Variants in VGLL4 observed in about 807,000 individuals in gnomAD.
The protein encoded by VGLL4 is transcription cofactor vestigial-like protein 4.
VGLL4 carries 7 observed loss-of-function variants against 21.0 expected under a neutral mutation model. The observed-to-expected ratio is 0.33, with a 90% CI of 0.19 to 0.63. VGLL4 has a LOEUF of 0.63. Ranked by LOEUF, VGLL4 falls within the 20% of genes least tolerant of loss-of-function variation. The pLI is 0.78. For missense variants in VGLL4, 394 were observed against 425.7 expected (o/e 0.93, Z 0.66); for synonymous variants, 222 against 173.2 (o/e 1.28, Z -2.21).
At chr3:11,574,001 A>G (rs1224953265) in intron 2 of VGLL4, among the ~76,000 whole-genome samples, 2 of 152,232 alleles carry the variant, frequency 1.3e-5, no homozygotes, top group African/African-American at 2.4e-5. Flanking sequence ...ACCGTCATCA[A>G]CAAGCCATGG....
At chr3:11,668,104 C>T (rs1482727355) in intron 2 of VGLL4, among the ~76,000 whole-genome samples, 3 of 151,924 alleles carry the variant, frequency 2.0e-5, no homozygotes, top group African/African-American at 7.3e-5. Flanking sequence ...ATCTGCCTGC[C>T]TTGGCCTCCC....
At chr3:11,567,107 G>A (rs1476684739) in intron 2 of VGLL4, among the ~76,000 whole-genome samples, 1 of 152,148 alleles carries the variant, frequency 6.6e-6, no homozygotes, top group Non-Finnish European at 1.5e-5. Context: ...CGGCTGTGAT[G>A]TTGTGATGTC....
In VGLL4 at chr3:11,565,803, C is replaced by T. The variant is rs565650089; in HGVS notation, c.273-784G>A. Among the ~76,000 whole-genome samples, 2 of 152,304 alleles carry T rather than the reference C, an allele frequency of 1.3e-5. No individual in the cohort carries two copies. The highest frequency in any genetic ancestry group is 1.9e-4 in the East Asian group (1 of 5,186). On this transcript the variant is annotated intron_variant, in intron 2 of 4. Coordinates refer to ENST00000430365, the MANE Select transcript of VGLL4 (RefSeq NM_001128219.3). The surrounding 1 kb of genome is among the most constrained non-coding windows in gnomAD (Gnocchi z 4.1). ...ATCTGATGTGTTAGTCTGAAGGCAG[C>T]GTTACGTGTTGCATCTATTAGACAC...
chr3:11,641,338 C>A (rs2125329845), intron 1 of VGLL4, among the ~76,000 whole-genome samples: 1 of 152,264 alleles, frequency 6.6e-6, no homozygotes, highest in African/African-American at 2.4e-5. Flanking sequence ...TGCCTACCAA[C>A]AGTACATTCC....
intron 1 of VGLL4, among the ~76,000 whole-genome samples, chr3:11,619,998 A>T (rs1221814416): frequency 2.0e-5 from 3 of 152,118 alleles, no homozygotes. Flanking sequence ...GTTTATTGTT[A>T]GTGGTGGCAG....
chr3:11,569,206 C>T (rs981285113), intron 2 of VGLL4, among the ~76,000 whole-genome samples: 2 of 152,232 alleles, frequency 1.3e-5, no homozygotes, highest in African/African-American at 4.8e-5. Context: ...ATGCTTAGCC[C>T]TTAGCCCCAT....
At chr3:11,657,343 G>A (rs1389124982) in intron 2 of VGLL4, among the ~76,000 whole-genome samples, 1 of 152,190 alleles carries the variant, frequency 6.6e-6, no homozygotes, top group Non-Finnish European at 1.5e-5. Context: ...GTATTTCTAG[G>A]AGGGTTGGCT....
At chr3:11,585,645 G>A (rs970282180) in intron 2 of VGLL4, among the ~76,000 whole-genome samples, 1 of 152,168 alleles carries the variant, frequency 6.6e-6, no homozygotes, top group African/African-American at 2.4e-5. Context: ...AAAACTGCTG[G>A]AATTGTTGGC....
chr3:11,610,095 C>T (rs562808154), intron 1 of VGLL4, among the ~76,000 whole-genome samples: 1 of 152,280 alleles, frequency 6.6e-6, no homozygotes, highest in African/African-American at 2.4e-5. Flanking sequence ...TGATGTGTCT[C>T]CTTCAGGCTG....
intron 2 of VGLL4, among the ~76,000 whole-genome samples, chr3:11,692,150 C>T (rs1468781087): frequency 6.6e-6 from 1 of 152,204 alleles, no homozygotes; most frequent in Non-Finnish European, 1.5e-5. Context: ...CAGTCACCCT[C>T]CTCAAGTGTC....
At chr3:11,583,300 T>C (rs985611162) in intron 2 of VGLL4, among the ~76,000 whole-genome samples, 3 of 152,206 alleles carry the variant, frequency 2.0e-5, no homozygotes, top group Non-Finnish European at 4.4e-5. Flanking sequence ...AAGCAGATTA[T>C]GAAAATAGCA....
chr3:11,623,749 C>CCTTTTTTTTTTTTTTTT (rs200636430), intron 1 of VGLL4, among the ~76,000 whole-genome samples: 1 of 123,668 alleles, frequency 8.1e-6, no homozygotes, highest in African/African-American at 2.8e-5. Flanking sequence ...TGAAAATTTT[C>CCTTTTTTTTTTTTTTTT]TTTTTTTTTT....
chr3:11,712,197 C>T (rs2076856034), intron 1 of VGLL4, among the ~76,000 whole-genome samples: 1 of 152,196 alleles, frequency 6.6e-6, no homozygotes, highest in South Asian at 2.1e-4. Context: ...AAATCTTTCA[C>T]TCATTCAGTC....
In VGLL4 at chr3:11,582,473, TA is replaced by T; in HGVS notation, c.273-17455del. On this transcript the variant is annotated intron_variant, in intron 2 of 4. Transcript: ENST00000430365. ...GGCCTGCTTGCCCCCTGCACTGCAA[TA>T]AAAGTTTCCTATGGGTCCTGGGGTA... 3.5e-6 allele frequency: 4 copies of T among 1,132,066 alleles called. No individual in the cohort carries two copies. The South Asian group carries it at 4.8e-5, about 13-fold the overall frequency. The allele number at this position is 1,132,066 out of a possible 1,614,324, so 70.1% of individuals were successfully genotyped here. A position where few individuals can be genotyped will look rare whatever the true frequency, so the allele number is the denominator to read the frequency against.
chr3:11,707,640 G>A (rs562017984), intron 1 of VGLL4, among the ~76,000 whole-genome samples: 84 of 152,042 alleles, frequency 5.5e-4, no homozygotes, highest in African/African-American at 1.4e-3. Flanking sequence ...GCTTGAGCCC[G>A]GGAGTTCCAG....
At chr3:11,602,062 AG>A in intron 1 of VGLL4, 40 bp from the exon 2 acceptor site, 1 of 1,475,844 alleles carries the variant, frequency 6.8e-7, no homozygotes, top group Non-Finnish European at 9.0e-7. Context: ...AGCAGGAGAA[AG>A]GCCCCCATCT....
intron 2 of VGLL4, among the ~76,000 whole-genome samples, chr3:11,580,211 C>T (rs1040265555): frequency 6.6e-6 from 1 of 152,206 alleles, no homozygotes; most frequent in African/African-American, 2.4e-5. Flanking sequence ...TACCATTCTA[C>T]CTTCTAGGAC....
intron 2 of VGLL4, among the ~76,000 whole-genome samples, chr3:11,579,646 A>C (rs1021517817): frequency 2.0e-5 from 3 of 152,092 alleles, no homozygotes; most frequent in African/African-American, 7.2e-5. Context: ...CTCTTCCCCC[A>C]AACTCGTGAG....
chr3:11,567,844 T>C (rs1335558685), intron 2 of VGLL4, among the ~76,000 whole-genome samples: 2 of 152,202 alleles, frequency 1.3e-5, no homozygotes, highest in African/African-American at 4.8e-5. Context: ...AATTTTATTG[T>C]TAACAACATG....
Sources: gnomAD v4.1 joint callset for allele counts (sites outside exome capture counted in the v4.1 genomes callset) on GRCh38, gnomAD v4.1.1 for gene constraint, Gnocchi (gnomAD v3.1) non-coding constraint, MANE v1.5 for transcripts, NCBI Gene and HGNC (gene_info 2026-07-23, HGNC 2026-07-21) for gene names.